Variants in TSC22D3 observed in about 807,000 individuals in gnomAD.
The protein encoded by TSC22D3 is TSC22 domain family member 3.
TSC22D3 carries 4 observed loss-of-function variants against 11.1 expected under a neutral mutation model. The observed-to-expected ratio is 0.36, with a 90% CI of 0.18 to 0.83. The LOEUF is 0.83. Ranked by LOEUF, TSC22D3 falls within the 40% of genes least tolerant of loss-of-function variation. The pLI is 0.48. For missense variants in TSC22D3, 118 were observed against 159.4 expected (o/e 0.74, Z 1.40); for synonymous variants, 77 against 70.3 (o/e 1.10, Z -0.48).
chrX:107,735,787 G>C (rs1409201776), intron 1 of TSC22D3, among the ~76,000 whole-genome samples: 1 of 108,510 alleles, frequency 9.2e-6, no homozygotes, highest in Non-Finnish European at 1.9e-5. Flanking sequence ...ATAAGTAGCT[G>C]ACCCATACCA....
rs145115898 is a variant in TSC22D3 at position 107,754,897 on chromosome X, A to G, written c.320+20203T>C. ...GCAGTAGGATATAAATAACTCCCAC[A>G]AGCTTAGCGTTCCAATAATGGAACA... On this transcript the variant is annotated intron_variant, in intron 1 of 2. Coordinates refer to ENST00000372383, the MANE Select transcript of TSC22D3 (RefSeq NM_198057.3). Among the ~76,000 whole-genome samples the G allele has an allele frequency of 2.0e-4, 22 of 112,002 alleles. No homozygotes were observed. The East Asian group carries it at 5.6e-3, about 28-fold the overall frequency.
At chrX:107,731,390 CCTGGAAAAGTT>C (rs1236970638) in intron 1 of TSC22D3, among the ~76,000 whole-genome samples, 13 of 111,933 alleles carry the variant, frequency 1.2e-4, no homozygotes, top group African/African-American at 4.2e-4. Context: ...GAACAAACAA[CCTGGAAAAGTT>C]CCAGAACCAT....
chrX:107,749,178 TACACACACACACACACACACACAC>T (rs61681572), intron 1 of TSC22D3, among the ~76,000 whole-genome samples: 3 of 87,357 alleles, frequency 3.4e-5, no homozygotes, highest in Non-Finnish European at 4.4e-5. Context: ...CTACTAAAAA[TACACACACACACACACACACACAC>T]ACACACACAC....
At chrX:107,769,437 C>T (rs1417465678) in intron 1 of TSC22D3, among the ~76,000 whole-genome samples, 1 of 111,188 alleles carries the variant, frequency 9.0e-6, no homozygotes, top group Non-Finnish European at 1.9e-5. Context: ...TAGGCAAATC[C>T]ATAGAGACAG....
chrX:107,717,395 A>C (rs1287784204), intron 1 of TSC22D3, among the ~76,000 whole-genome samples: 1 of 112,642 alleles, frequency 8.9e-6, no homozygotes, highest in Non-Finnish European at 1.9e-5. Context: ...GCATGCCCCC[A>C]TGGCTTTGCA....
intron 1 of TSC22D3, among the ~76,000 whole-genome samples, chrX:107,774,083 C>G (rs1446278589): frequency 1.8e-5 from 2 of 111,674 alleles, no homozygotes; most frequent in African/African-American, 6.5e-5. Flanking sequence ...CCCACAGTGG[C>G]GATGTCTTTC....
At chrX:107,773,255 G>A (rs1929984170) in intron 1 of TSC22D3, among the ~76,000 whole-genome samples, 2 of 112,531 alleles carry the variant, frequency 1.8e-5, no homozygotes, top group South Asian at 7.3e-4. Context: ...TTTGATCTCA[G>A]GCTTTTAGCC....
chrX:107,720,012 G>A (rs1927242737), intron 1 of TSC22D3, among the ~76,000 whole-genome samples: 1 of 111,288 alleles, frequency 9.0e-6, no homozygotes, highest in Admixed American at 9.5e-5. Flanking sequence ...AATGGAACGT[G>A]TAGGAGAGTG....
At chrX:107,716,059 CCTT>C in intron 1 of TSC22D3, 109 bp from the exon 2 acceptor site, 1 of 877,311 alleles carries the variant, frequency 1.1e-6, no homozygotes, top group Middle Eastern at 4.2e-4. Flanking sequence ...CTCTCTCTCT[CCTT>C]CTCGCCTCCC....
At chrX:107,766,397 C>T (rs1929653288) in intron 1 of TSC22D3, among the ~76,000 whole-genome samples, 1 of 110,182 alleles carries the variant, frequency 9.1e-6, no homozygotes, top group Non-Finnish European at 1.9e-5. Context: ...CTTTAAACAG[C>T]TCCTCCACCT....
intron 1 of TSC22D3, chrX:107,716,853 G>A (rs376776636): frequency 8.4e-7 from 1 of 1,191,597 alleles, no homozygotes; most frequent in African/African-American, 1.8e-5. Flanking sequence ...TTCGTGCGGG[G>A]CTGGGCGGCT....
At chrX:107,737,032 T>C (rs1312333007) in intron 1 of TSC22D3, among the ~76,000 whole-genome samples, 2 of 111,982 alleles carry the variant, frequency 1.8e-5, no homozygotes, top group Admixed American at 1.9e-4. Context: ...ATAGCACTTA[T>C]AACGTCAACA....
chrX:107,717,686 G>C (rs1927122389), intron 1 of TSC22D3, among the ~76,000 whole-genome samples: 2 of 112,386 alleles, frequency 1.8e-5, no homozygotes, highest in Non-Finnish European at 3.8e-5. Context: ...TGTAATGCAT[G>C]CACAGGTCCA....
At chrX:107,759,470 C>G (rs1003243865) in intron 1 of TSC22D3, among the ~76,000 whole-genome samples, 20 of 112,135 alleles carry the variant, frequency 1.8e-4, no homozygotes, top group Non-Finnish European at 3.8e-4. Flanking sequence ...GGCAAAGCAG[C>G]CCACAGAAGG....
chrX:107,741,304 C>T (rs1216743374), intron 1 of TSC22D3, among the ~76,000 whole-genome samples: 1 of 112,538 alleles, frequency 8.9e-6, no homozygotes, highest in African/African-American at 3.2e-5. Flanking sequence ...GGCGAAGCCA[C>T]CGTAGATCCC....
intron 1 of TSC22D3, among the ~76,000 whole-genome samples, chrX:107,746,385 C>T (rs1451397680): frequency 1.8e-5 from 2 of 111,504 alleles, no homozygotes; most frequent in African/African-American, 3.3e-5. Context: ...TATACACTCT[C>T]ACTAGACAGA....
intron 1 of TSC22D3, among the ~76,000 whole-genome samples, chrX:107,726,986 G>A (rs376778649): frequency 8.9e-6 from 1 of 111,846 alleles, no homozygotes; most frequent in Non-Finnish European, 1.9e-5. Flanking sequence ...TATGGAAACC[G>A]AGGAACAGCC....
chrX:107,718,074 C>G (rs1470416147), intron 1 of TSC22D3, among the ~76,000 whole-genome samples: 1 of 111,979 alleles, frequency 8.9e-6, no homozygotes, highest in Non-Finnish European at 1.9e-5. Context: ...AGAGGTACTT[C>G]AGGAAAAACA....
chrX:107,736,318 G>A (rs931297385), intron 1 of TSC22D3, among the ~76,000 whole-genome samples: 1 of 111,554 alleles, frequency 9.0e-6, no homozygotes, highest in African/African-American at 3.3e-5. Context: ...TGATAGAATT[G>A]GGAACAGGAT....
Sources: allele counts gnomAD v4.1 joint callset (sites outside exome capture counted in the v4.1 genomes callset), GRCh38; gene constraint gnomAD v4.1.1; transcripts MANE v1.5; gene names NCBI Gene and HGNC (gene_info 2026-07-23, HGNC 2026-07-21).